KIAA1328: variants seen among roughly 807,000 people sequenced by gnomAD.
The protein encoded by KIAA1328 is KIAA1328.
A neutral mutation model predicts 68.1 loss-of-function variants in KIAA1328; 52 were observed. The ratio of observed to expected loss-of-function variants is 0.76; its 90% confidence interval spans 0.61 to 0.96. KIAA1328 has a LOEUF of 0.96. Ranked by LOEUF, KIAA1328 falls within the 40% of genes least tolerant of loss-of-function variation. The pLI is 0.00. For synonymous variants in KIAA1328, 232 were observed against 239.4 expected (o/e 0.97, Z 0.28); for missense variants, 641 against 677.6 (o/e 0.95, Z 0.60).
At chr18:37,025,532 C>T (rs572351921) in intron 6 of KIAA1328, among the ~76,000 whole-genome samples, 32 of 152,124 alleles carry the variant, frequency 2.1e-4, no homozygotes, top group Non-Finnish European at 3.8e-4. Flanking sequence ...TCTCTCAGAC[C>T]ACAGTGCAAT....
chr18:37,191,835 T>C (rs1021541399), intron 9 of KIAA1328, among the ~76,000 whole-genome samples: 1 of 152,150 alleles, frequency 6.6e-6, no homozygotes, highest in Non-Finnish European at 1.5e-5. Context: ...CATCTATACT[T>C]ATCAACAAGG....
chr18:36,912,284 C>T (rs1451609955), intron 5 of KIAA1328, among the ~76,000 whole-genome samples: 1 of 152,182 alleles, frequency 6.6e-6, no homozygotes, highest in Non-Finnish European at 1.5e-5. Context: ...TGTTACCCTT[C>T]TGGAGGCTCT....
Position 36,962,086 on chromosome 18 carries a change from C to T in KIAA1328, c.576+2651C>T, listed in dbSNP as rs557613642. ...AGGAGACCCATCTCATGTGCAGAGA[C>T]ACACATAGGCTCAAAATAAAGGGAT... On this transcript the variant is annotated intron_variant, in intron 6 of 9. Coordinates refer to ENST00000280020, the MANE Select transcript of KIAA1328 (RefSeq NM_020776.3). 1.3e-5 allele frequency among the ~76,000 whole-genome samples: 2 copies of T among 152,260 alleles called. 1 individual carries two copies. The highest frequency in any genetic ancestry group is 4.1e-4 in the South Asian group (2 of 4,828).
At chr18:37,152,166 T>C (rs1439775843) in intron 7 of KIAA1328, among the ~76,000 whole-genome samples, 1 of 150,870 alleles carries the variant, frequency 6.6e-6, no homozygotes, top group Admixed American at 6.6e-5. Flanking sequence ...GTGTTTCATA[T>C]GTACATGGAA....
chr18:36,934,442 T>C (rs957279072), intron 5 of KIAA1328, among the ~76,000 whole-genome samples: 1 of 152,170 alleles, frequency 6.6e-6, no homozygotes, highest in African/African-American at 2.4e-5. Flanking sequence ...TCATATCTCC[T>C]AATGCTATCC....
At chr18:36,940,458 A>G (rs1337680009) in intron 5 of KIAA1328, among the ~76,000 whole-genome samples, 1 of 152,166 alleles carries the variant, frequency 6.6e-6, no homozygotes, top group Non-Finnish European at 1.5e-5. Context: ...ACAACTATTC[A>G]TGAAGTGTAC....
At chr18:37,184,691 C>T (rs2059761463) in intron 9 of KIAA1328, among the ~76,000 whole-genome samples, 1 of 152,204 alleles carries the variant, frequency 6.6e-6, no homozygotes, top group South Asian at 2.1e-4. Context: ...GGCTTCTGTC[C>T]TATCTGTCTG....
intron 3 of KIAA1328, among the ~76,000 whole-genome samples, chr18:36,838,239 G>A (rs1393032124): frequency 6.6e-6 from 1 of 152,134 alleles, no homozygotes; most frequent in Non-Finnish European, 1.5e-5. Flanking sequence ...TATATAAGAT[G>A]AAGTTGTCTG....
chr18:37,002,616 C>A (rs1179780191), intron 6 of KIAA1328, among the ~76,000 whole-genome samples: 1 of 151,676 alleles, frequency 6.6e-6, no homozygotes, highest in Admixed American at 6.6e-5. Flanking sequence ...AAAATATATA[C>A]CTAGGAATAA....
intron 6 of KIAA1328, among the ~76,000 whole-genome samples, chr18:36,975,722 C>G (rs539916317): frequency 6.6e-6 from 1 of 152,134 alleles, no homozygotes; most frequent in East Asian, 1.9e-4. Context: ...GATTTTTTAA[C>G]TTTTATTATT....
chr18:36,940,237 C>G (rs754358788), intron 5 of KIAA1328, among the ~76,000 whole-genome samples: 1 of 152,176 alleles, frequency 6.6e-6, no homozygotes, highest in Non-Finnish European at 1.5e-5. Flanking sequence ...GCTCCTCAGG[C>G]TATAAGGTAC....
intron 5 of KIAA1328, among the ~76,000 whole-genome samples, chr18:36,950,920 A>G (rs1253539188): frequency 1.3e-5 from 2 of 152,238 alleles, no homozygotes; most frequent in East Asian, 1.9e-4. Context: ...CTACCAAAAC[A>G]GTCGGGGGAG....
At chr18:36,910,741 C>T (rs2049412216) in intron 5 of KIAA1328, among the ~76,000 whole-genome samples, 1 of 152,208 alleles carries the variant, frequency 6.6e-6, no homozygotes, top group Admixed American at 6.5e-5. Context: ...GATATTGATT[C>T]TTCCTATCCA....
intron 5 of KIAA1328, chr18:36,924,941 G>A (rs2050058501): frequency 6.6e-6 from 1 of 152,174 alleles, no homozygotes; most frequent in Non-Finnish European, 1.5e-5. Flanking sequence ...CAGAAGTGTA[G>A]TATCCTGAAA....
chr18:37,081,775 G>A (rs2056956566), intron 7 of KIAA1328, among the ~76,000 whole-genome samples: 1 of 152,048 alleles, frequency 6.6e-6, no homozygotes, highest in African/African-American at 2.4e-5. Context: ...TCTTTCTCAA[G>A]CCATACCTTT....
At chr18:36,882,050 C>G (rs1022877624) in intron 4 of KIAA1328, among the ~76,000 whole-genome samples, 9 of 152,124 alleles carry the variant, frequency 5.9e-5, no homozygotes, top group African/African-American at 2.2e-4. Context: ...TTTTACATTC[C>G]TACTAAGCAC....
At chr18:37,128,506 C>T (rs377251748) in intron 7 of KIAA1328, among the ~76,000 whole-genome samples, 2 of 152,164 alleles carry the variant, frequency 1.3e-5, no homozygotes, top group East Asian at 1.9e-4. Context: ...TACCACACCA[C>T]ATGCTGATGA....
intron 6 of KIAA1328, among the ~76,000 whole-genome samples, chr18:37,026,914 G>A (rs898472193): frequency 6.6e-6 from 1 of 152,120 alleles, no homozygotes; most frequent in Non-Finnish European, 1.5e-5. Flanking sequence ...ATTCAATTAA[G>A]AAAAAAGGCA....
chr18:37,230,534 A>G (rs980678150), downstream of KIAA1328: 1 of 152,164 alleles, frequency 6.6e-6, no homozygotes, highest in African/African-American at 2.4e-5. Context: ...CCAGAAAAAG[A>G]TATCAGTCTT....
Sources: gnomAD v4.1 joint callset for allele counts (sites outside exome capture counted in the v4.1 genomes callset) on GRCh38, gnomAD v4.1.1 for gene constraint, MANE v1.5 for transcripts, NCBI Gene and HGNC (gene_info 2026-07-23, HGNC 2026-07-21) for gene names.